Variants in USP2 observed in about 807,000 individuals in gnomAD.
USP2 encodes the protein ubiquitin specific peptidase 2, also known as ubiquitin carboxyl-terminal hydrolase 2.
In USP2, 33 loss-of-function variants were observed where a neutral mutation model predicts 72.0. That is an observed-to-expected ratio of 0.46 (90% CI 0.35 to 0.61). USP2 has a LOEUF of 0.61. Ranked by LOEUF, USP2 falls within the 20% of genes least tolerant of loss-of-function variation. The pLI, the probability that USP2 is intolerant of heterozygous loss-of-function variation, is 0.01. For synonymous variants in USP2, 296 were observed against 312.5 expected (o/e 0.95, Z 0.56); for missense variants, 691 against 797.8 (o/e 0.87, Z 1.61).
At chr11:119,369,549 C>G (rs1027227709) in intron 2 of USP2, among the ~76,000 whole-genome samples, 3 of 152,220 alleles carry the variant, frequency 2.0e-5, no homozygotes, top group Non-Finnish European at 2.9e-5. Flanking sequence ...GCTTCCTACT[C>G]TAGTCAGCTG....
chr11:119,373,911 C>T (rs1177044071), intron 1 of USP2, among the ~76,000 whole-genome samples: 1 of 152,218 alleles, frequency 6.6e-6, no homozygotes, highest in Non-Finnish European at 1.5e-5. Flanking sequence ...CCACTGACCC[C>T]TGGGTTGAGA....
At position 119,364,764 on chromosome 11, in the gene USP2, G is replaced by C. The variant is rs544119587; in HGVS notation, c.775-4530C>G. On this transcript the variant is annotated intron_variant, in intron 2 of 12. Coordinates refer to ENST00000260187, the MANE Select transcript of USP2 (RefSeq NM_004205.5). ...ACCTTCACGGCCTAGGGGCTGAGCT[G>C]CCCTCCTCAAAACAGTCCTGTTTGG... is the stretch of plus-strand genomic sequence containing the variant. 8.5e-4 allele frequency among the ~76,000 whole-genome samples: 129 copies of C among 152,342 alleles called. 4 individuals carry two copies. In the South Asian group the frequency reaches 0.026, roughly 30 times the overall value.
intron 2 of USP2, among the ~76,000 whole-genome samples, chr11:119,367,307 G>A (rs1229588239): frequency 6.6e-6 from 1 of 152,200 alleles, no homozygotes; most frequent in Non-Finnish European, 1.5e-5. Context: ...ATCCTTCCTG[G>A]CATGAGATGG....
At position 119,373,446 on chromosome 11, in the gene USP2, G is replaced by T. The variant is rs1206988403; in HGVS notation, c.35C>A (p.Thr12Lys). 1.3e-6 allele frequency: 2 copies of T among 1,597,512 alleles called. No homozygotes were observed. The highest frequency in any genetic ancestry group is 2.2e-5 in the South Asian group (2 of 90,342). ...GGCATCTGTGTAGCGGGCCGATTCT[G>T]TGTAGCGCTTCAGGGTGGAGGAGAG... ...SQLSSTLKRY[T>K]ESARYTDAHY... is the part of the protein sequence containing the mutation. Residue 12 changes from threonine (T) to lysine (K), a missense_variant, in exon 2 of 13, where the codon ACA becomes AAA. By Grantham distance (78) the Thr-to-Lys change is moderately conservative (BLOSUM62 -1). Transcript: ENST00000260187.
At chr11:119,357,429 C>T (rs1950685002) in intron 11 of USP2, 54 bp downstream of exon 11, 2 of 1,612,616 alleles carry the variant, frequency 1.2e-6, no homozygotes, top group Admixed American at 1.7e-5. Context: ...TGCCCTCCCT[C>T]CGGCCTTGCA....
chr11:119,358,276 T>A, intron 7 of USP2, 24 bp from the exon 8 acceptor site: 1 of 1,599,108 alleles, frequency 6.3e-7, no homozygotes, highest in Non-Finnish European at 8.6e-7. Context: ...GGCCATGAGA[T>A]GCTGAAATAC....
At chr11:119,357,364 C>G (rs1161761278) in intron 11 of USP2, 57 bp from the exon 12 acceptor site, 3 of 1,610,058 alleles carry the variant, frequency 1.9e-6, no homozygotes, top group Non-Finnish European at 2.5e-6. Context: ...CTTCCCCCCT[C>G]CAACCTCTCC....
intron 2 of USP2, among the ~76,000 whole-genome samples, chr11:119,367,121 G>A (rs1189167526): frequency 1.3e-5 from 2 of 152,192 alleles, no homozygotes; most frequent in African/African-American, 4.8e-5. Flanking sequence ...GGAGTGGGAT[G>A]GATACAAAGG....
At chr11:119,360,844 G>A (rs1950751808) in intron 2 of USP2, among the ~76,000 whole-genome samples, 1 of 152,110 alleles carries the variant, frequency 6.6e-6, no homozygotes, top group Admixed American at 6.5e-5. Context: ...CTGCTACAGT[G>A]GAGACTAGGA....
At chr11:119,378,785 C>G (rs1951029943) in intron 1 of USP2, among the ~76,000 whole-genome samples, 1 of 152,206 alleles carries the variant, frequency 6.6e-6, no homozygotes, top group East Asian at 1.9e-4. Context: ...CCCAGGTACT[C>G]TCCTGGTGCC....
chr11:119,363,926 C>G, intron 2 of USP2: 2 of 1,080,488 alleles, frequency 1.9e-6, no homozygotes, highest in Non-Finnish European at 2.3e-6. Flanking sequence ...GGCCGCAGCT[C>G]CTTGGCGAGG....
intron 2 of USP2, among the ~76,000 whole-genome samples, chr11:119,368,923 T>A (rs1950890194): frequency 6.6e-6 from 1 of 152,022 alleles, no homozygotes; most frequent in Non-Finnish European, 1.5e-5. Context: ...TGAGGGGGAT[T>A]AGGAAGGATT....
chr11:119,356,783 T>C lies in USP2; in HGVS notation c.*52A>G, dbSNP rs1393214839. The C allele has an allele frequency of 2.7e-6, 4 of 1,481,778 alleles. No individual in the cohort carries two copies. The African/African-American group carries it at 5.7e-5, about 21-fold the overall frequency. The allele number at this position is 1,481,778 out of a possible 1,614,324, so 91.8% of individuals were successfully genotyped here. A position where few individuals can be genotyped will look rare whatever the true frequency, so the allele number is the denominator to read the frequency against. ...GTTTTGTTTTTGTCTTTTTAAAAAA[T>C]TTAGGGAGCGGGGCCACCACGGGGA... On this transcript the variant is annotated 3_prime_UTR_variant, in exon 13 of 13. Transcript: ENST00000260187.
At chr11:119,369,887 ACTT>A (rs371707319) in intron 2 of USP2, among the ~76,000 whole-genome samples, 4 of 151,944 alleles carry the variant, frequency 2.6e-5, no homozygotes, top group African/African-American at 9.7e-5. Flanking sequence ...CTATTTAAGA[ACTT>A]CTTCTTGGCC....
intron 1 of USP2, chr11:119,380,777 CT>C: frequency 6.3e-6 from 1 of 157,702 alleles, no homozygotes; most frequent in Middle Eastern, 5.1e-4. Flanking sequence ...CTCTCCTTTC[CT>C]CTGCTTTACG....
intron 1 of USP2, 81 bp downstream of exon 1, chr11:119,381,392 G>A: frequency 7.0e-7 from 1 of 1,431,234 alleles, no homozygotes; most frequent in Non-Finnish European, 9.5e-7. Flanking sequence ...CCAGAATGTC[G>A]TGGACACCTT....
intron 2 of USP2, among the ~76,000 whole-genome samples, chr11:119,368,635 C>T (rs747389888): frequency 2.6e-5 from 4 of 152,236 alleles, no homozygotes; most frequent in African/African-American, 9.6e-5. Flanking sequence ...GTTTCCCAGA[C>T]CTTTTGCTCC....
chr11:119,361,522 C>G (rs1950764654), intron 2 of USP2, among the ~76,000 whole-genome samples: 1 of 151,874 alleles, frequency 6.6e-6, no homozygotes, highest in African/African-American at 2.4e-5. Context: ...AGAACAGGAG[C>G]CTGAAATAAC....
At chr11:119,364,127 C>T in intron 2 of USP2, 7 of 1,221,788 alleles carry the variant, frequency 5.7e-6, no homozygotes, top group Non-Finnish European at 7.1e-6. Flanking sequence ...TCCGCGGCGC[C>T]CGAACGCGCG....
Sources: allele counts gnomAD v4.1 joint callset (sites outside exome capture counted in the v4.1 genomes callset), GRCh38; gene constraint gnomAD v4.1.1; transcripts MANE v1.5; gene names NCBI Gene and HGNC (gene_info 2026-07-23, HGNC 2026-07-21).